KCNIP4: variants seen among roughly 807,000 people sequenced by gnomAD.
The protein encoded by KCNIP4 is potassium voltage-gated channel interacting protein 4, also known as Kv channel-interacting protein 4.
Under a neutral mutation model 34.0 loss-of-function variants are expected in KCNIP4, and 12 were observed. The observed-to-expected ratio is 0.35, with a 90% CI of 0.23 to 0.57. The LOEUF (loss-of-function observed/expected upper bound fraction) is 0.57. Ranked by LOEUF, KCNIP4 falls within the 20% of genes least tolerant of loss-of-function variation. The probability of loss-of-function intolerance (pLI) is 0.83; values close to 1 mark genes in which losing one functional copy is unlikely to be tolerated. For missense variants in KCNIP4, 238 were observed against 311.7 expected (o/e 0.76, Z 1.78); for synonymous variants, 124 against 102.2 (o/e 1.21, Z -1.29).
chr4:21,756,186 A>G (rs922318651), intron 1 of KCNIP4, among the ~76,000 whole-genome samples: 8 of 152,134 alleles, frequency 5.3e-5, no homozygotes, highest in Non-Finnish European at 1.0e-4. Flanking sequence ...CTATTTGGCC[A>G]GTTTAGATCT....
At chr4:21,355,893 A>T (rs1332372512) in intron 1 of KCNIP4, among the ~76,000 whole-genome samples, 1 of 152,200 alleles carries the variant, frequency 6.6e-6, no homozygotes, top group East Asian at 1.9e-4. Context: ...CATCGATGCA[A>T]AAATCCTCAA....
At chr4:21,142,018 G>A (rs563741048) in intron 1 of KCNIP4, among the ~76,000 whole-genome samples, 1 of 151,802 alleles carries the variant, frequency 6.6e-6, no homozygotes, top group Non-Finnish European at 1.5e-5. Context: ...AGGTGTGGTG[G>A]TGTGCGCCTG....
At chr4:21,023,696 G>T (rs931895125) in intron 1 of KCNIP4, among the ~76,000 whole-genome samples, 1 of 151,948 alleles carries the variant, frequency 6.6e-6, no homozygotes, top group Admixed American at 6.6e-5. Context: ...TTGAGGCCAG[G>T]AATTTGAGAC....
intron 1 of KCNIP4, among the ~76,000 whole-genome samples, chr4:21,060,291 A>G (rs948937706): frequency 2.0e-5 from 3 of 152,172 alleles, no homozygotes; most frequent in African/African-American, 4.8e-5. Flanking sequence ...TGCATAATAT[A>G]TATTAGCTGA....
At chr4:21,448,355 G>A (rs1230969381) in intron 1 of KCNIP4, among the ~76,000 whole-genome samples, 1 of 152,072 alleles carries the variant, frequency 6.6e-6, no homozygotes, top group Non-Finnish European at 1.5e-5. Context: ...AAAAGAAAAT[G>A]AGAAACATGT....
In KCNIP4 at chr4:20,785,451, G is replaced by A. The variant is rs374715854; in HGVS notation, c.289-26561C>T. On this transcript the variant is annotated intron_variant, in intron 3 of 8. Coordinates refer to ENST00000382152, the MANE Select transcript of KCNIP4 (RefSeq NM_025221.6). The stretch of plus-strand genomic sequence containing the variant: ...TACCACTTAGGAAGCTGGTGTTCGT[G>A]TTCTCAGACTGAGGAGGAGCAGTGT... 1.5e-4 allele frequency among the ~76,000 whole-genome samples: 23 copies of A among 151,034 alleles called. No homozygotes were observed. The South Asian group carries it at 3.8e-3, about 25-fold the overall frequency.
At position 21,111,239 on chromosome 4, in the gene KCNIP4, G is replaced by C. The variant is rs141311544; in HGVS notation, c.62-228530C>G. ...GAAGAGAGAACATAGGAGAAAGAGA[G>C]AACGAAAGAATTGATCCTTGGCTTT... is the stretch of plus-strand genomic sequence containing the variant. On this transcript the variant is annotated intron_variant, in intron 1 of 8. Transcript: ENST00000382152. 3.2e-3 allele frequency among the ~76,000 whole-genome samples: 480 copies of C among 152,288 alleles called. 2 individuals are homozygous for C. The highest frequency in any genetic ancestry group is 0.011 in the African/African-American group (452 of 41,566).
chr4:20,756,786 A>G (rs377405893), intron 4 of KCNIP4, among the ~76,000 whole-genome samples: 1 of 151,956 alleles, frequency 6.6e-6, no homozygotes, highest in East Asian at 1.9e-4. Flanking sequence ...TGAACTATCT[A>G]TCTCTCTTGT....
Position 21,898,584 on chromosome 4 carries a change from G to A in KCNIP4, c.61+49987C>T, listed in dbSNP as rs376175775. Among the ~76,000 whole-genome samples the A allele has an allele frequency of 1.1e-4, 16 of 152,232 alleles. No homozygotes were observed. The East Asian group carries it at 2.7e-3, about 26-fold the overall frequency. On this transcript the variant is annotated intron_variant, in intron 1 of 8. Coordinates refer to ENST00000382152, the MANE Select transcript of KCNIP4 (RefSeq NM_025221.6). Reference sequence around the variant, plus strand: ...GAATGGAAAGAGCCAGTCCTGGCAGGATTCATCACCTGCTGACTAATAAGC... The same window carrying A: ...GAATGGAAAGAGCCAGTCCTGGCAGAATTCATCACCTGCTGACTAATAAGC...
At chr4:21,603,881 A>ATGCT (rs1313685435) in intron 1 of KCNIP4, among the ~76,000 whole-genome samples, 3 of 152,176 alleles carry the variant, frequency 2.0e-5, no homozygotes, top group African/African-American at 7.2e-5. Flanking sequence ...TGTTTCTGAG[A>ATGCT]TGCTTAAACA....
At position 21,141,474 on chromosome 4, in the gene KCNIP4, A is replaced by T. The variant is rs114632679; in HGVS notation, c.62-258765T>A. On this transcript the variant is annotated intron_variant, in intron 1 of 8. Coordinates refer to ENST00000382152, the MANE Select transcript of KCNIP4 (RefSeq NM_025221.6). Reference sequence around the variant, plus strand: ...GTATTTACATAATCATCATTTTTTGATATTGTTTGTTCTAGTTGAGAAAAA... The same window carrying T: ...GTATTTACATAATCATCATTTTTTGTTATTGTTTGTTCTAGTTGAGAAAAA... 3.0e-3 allele frequency among the ~76,000 whole-genome samples: 461 copies of T among 152,162 alleles called. 2 individuals are homozygous for T. The highest frequency in any genetic ancestry group is 0.011 in the African/African-American group (438 of 41,536).
intron 1 of KCNIP4, among the ~76,000 whole-genome samples, chr4:21,437,878 CAAGT>C (rs934798156): frequency 3.5e-5 from 4 of 115,376 alleles, no homozygotes; most frequent in African/African-American, 1.3e-4. Context: ...TTTTATTTTA[CAAGT>C]GTGTGTGTGT....
At chr4:21,730,404 G>A (rs1206187122) in intron 1 of KCNIP4, among the ~76,000 whole-genome samples, 1 of 152,080 alleles carries the variant, frequency 6.6e-6, no homozygotes, top group African/African-American at 2.4e-5. Context: ...CTAAGTCCAT[G>A]TATAGCCCAG....
At position 21,879,127 on chromosome 4, in the gene KCNIP4, T is replaced by C. The variant is rs191302720; in HGVS notation, c.61+69444A>G. On this transcript the variant is annotated intron_variant, in intron 1 of 8. Coordinates refer to ENST00000382152, the MANE Select transcript of KCNIP4 (RefSeq NM_025221.6). ...AGCTTTTCCCCCCTTAGGTCCTTTA[T>C]ATTGCAAAATGAAAATATGAACATA... is the stretch of plus-strand genomic sequence containing the variant. Among the ~76,000 whole-genome samples the C allele has an allele frequency of 6.6e-5, 10 of 152,270 alleles. No individual in the cohort carries two copies. The East Asian group carries it at 1.5e-3, about 23-fold the overall frequency.
chr4:21,908,885 G>C (rs1728146868), intron 1 of KCNIP4, among the ~76,000 whole-genome samples: 1 of 152,114 alleles, frequency 6.6e-6, no homozygotes, highest in South Asian at 2.1e-4. Flanking sequence ...ATGAACACTG[G>C]ATCAAGCATC....
At chr4:20,934,586 C>T (rs528656159) in intron 1 of KCNIP4, among the ~76,000 whole-genome samples, 1 of 152,326 alleles carries the variant, frequency 6.6e-6, no homozygotes, top group Admixed American at 6.5e-5. Flanking sequence ...TGATTTGCTT[C>T]TCTCTTTAAT....
chr4:21,030,079 G>A (rs1740881511), intron 1 of KCNIP4, among the ~76,000 whole-genome samples: 1 of 152,130 alleles, frequency 6.6e-6, no homozygotes, highest in African/African-American at 2.4e-5. Flanking sequence ...ACCTGTCAGT[G>A]GCCTGTTACA....
intron 1 of KCNIP4, among the ~76,000 whole-genome samples, chr4:21,606,676 C>A (rs567184273): frequency 2.0e-4 from 30 of 152,316 alleles, no homozygotes; most frequent in South Asian, 1.0e-3. Flanking sequence ...TCACTGCAAC[C>A]TCTGCCTCCC....
intron 1 of KCNIP4, among the ~76,000 whole-genome samples, chr4:21,346,215 T>TA (rs1717358269): frequency 1.6e-4 from 1 of 6,432 alleles, no homozygotes; most frequent in Non-Finnish European, 3.0e-4. Context: ...ATAATATATA[T>TA]TATATATAAT....
Sources: gnomAD v4.1 joint callset for allele counts (sites outside exome capture counted in the v4.1 genomes callset) on GRCh38, gnomAD v4.1.1 for gene constraint, MANE v1.5 for transcripts, NCBI Gene and HGNC (gene_info 2026-07-23, HGNC 2026-07-21) for gene names.